The following PAK3 variants were observed in gnomAD, a reference collection of about 807,000 sequenced individuals.
The protein encoded by PAK3 is p21 (RAC1) activated kinase 3.
PAK3 carries 4 observed loss-of-function variants against 41.0 expected under a neutral mutation model. The ratio of observed to expected loss-of-function variants is 0.10; its 90% CI spans 0.05 to 0.22. The LOEUF is 0.22. PAK3 is among the 10% of genes least tolerant of loss of function. The probability of loss-of-function intolerance (pLI) is 1.00; values close to 1 mark genes in which losing one functional copy is unlikely to be tolerated. For missense variants in PAK3, 205 were observed against 409.9 expected (o/e 0.50, Z 4.32); for synonymous variants, 146 against 139.6 (o/e 1.05, Z -0.32).
At chrX:111,037,542 T>C (rs994775538) in intron 1 of PAK3, among the ~76,000 whole-genome samples, 27 of 111,523 alleles carry the variant, frequency 2.4e-4, no homozygotes, top group African/African-American at 7.2e-4. Context: ...TTCCATTTAA[T>C]TATAGAGACT....
At chrX:110,961,761 G>T (rs989577532) in intron 1 of PAK3, among the ~76,000 whole-genome samples, 2 of 111,614 alleles carry the variant, frequency 1.8e-5, no homozygotes, top group Non-Finnish European at 3.8e-5. Context: ...CACTTTTTTA[G>T]TCCCCTGGAA....
intron 1 of PAK3, among the ~76,000 whole-genome samples, chrX:110,961,765 C>T (rs933689400): frequency 1.8e-5 from 2 of 111,869 alleles, no homozygotes; most frequent in Admixed American, 9.5e-5. Flanking sequence ...TTTTTAGTCC[C>T]CTGGAATTTG....
At chrX:110,950,808 A>G (rs371830566) in intron 1 of PAK3, among the ~76,000 whole-genome samples, 53 of 111,575 alleles carry the variant, frequency 4.8e-4, no homozygotes, top group African/African-American at 1.6e-3. Flanking sequence ...ATTTTGTCAT[A>G]TAAATTTAAA....
intron 8 of PAK3, among the ~76,000 whole-genome samples, chrX:111,160,721 GT>G (rs1269881081): frequency 1.8e-5 from 2 of 111,222 alleles, no homozygotes; most frequent in East Asian, 5.6e-4. Context: ...GTGGTGTTTG[GT>G]TTTTTGTCCT....
chrX:111,123,731 G>A (rs1166641065), intron 5 of PAK3, among the ~76,000 whole-genome samples: 3 of 111,653 alleles, frequency 2.7e-5, no homozygotes, highest in Non-Finnish European at 5.6e-5. Context: ...CCACAATATT[G>A]TCTCTCTGAC....
intron 16 of PAK3, among the ~76,000 whole-genome samples, chrX:111,213,605 C>T (rs1487729150): frequency 1.8e-5 from 2 of 111,020 alleles, no homozygotes; most frequent in South Asian, 3.8e-4. Context: ...CTACAGAGAG[C>T]GGAAACGAGT....
intron 1 of PAK3, among the ~76,000 whole-genome samples, chrX:111,046,037 C>A (rs192925534): frequency 3.6e-5 from 4 of 111,710 alleles, no homozygotes; most frequent in African/African-American, 1.3e-4. Flanking sequence ...TTAACAAGAG[C>A]CACCTGGCTA....
rs752253698 is a variant in PAK3 at position 111,154,247 on chromosome X, A to G, written c.468+1800A>G. Among the ~76,000 whole-genome samples the G allele has an allele frequency of 1.8e-4, 20 of 111,733 alleles. No homozygotes were observed. In the East Asian group the frequency reaches 5.6e-3, roughly 31 times the overall value. On this transcript the variant is annotated intron_variant, in intron 8 of 17. Coordinates refer to ENST00000372007, the MANE Select transcript of PAK3 (RefSeq NM_002578.5). ...ATGATTATACAACAATATCCTCAAC[A>G]GTACTGAAATACATACCTAAAAATG...
At chrX:110,956,788 C>A (rs910263609) in intron 1 of PAK3, among the ~76,000 whole-genome samples, 2 of 111,716 alleles carry the variant, frequency 1.8e-5, no homozygotes, top group African/African-American at 6.5e-5. Context: ...GGTCAGAGAG[C>A]ACTTAGTCTC....
Position 111,026,123 on chromosome X carries a change from C to A in PAK3, c.-28+81495C>A, listed in dbSNP as rs917124228. Among the ~76,000 whole-genome samples the A allele has an allele frequency of 2.7e-5, 3 of 111,660 alleles. No homozygotes were observed. In the Admixed American group the frequency reaches 2.9e-4, roughly 11 times the overall value. ...ATCCAGCATTCCTTTATGATTAAAACCCTCAGCAAATTTGCATAGAAGGGA... is the reference window on the plus strand; with the variant it reads ...ATCCAGCATTCCTTTATGATTAAAAACCTCAGCAAATTTGCATAGAAGGGA... On this transcript the variant is annotated intron_variant, in intron 1 of 14. Coordinates refer to the PAK3 transcript ENST00000425146.
At chrX:111,087,456 A>G (rs896434009) in intron 1 of PAK3, among the ~76,000 whole-genome samples, 4 of 109,375 alleles carry the variant, frequency 3.7e-5, no homozygotes, top group African/African-American at 6.7e-5. Flanking sequence ...ATGAAGTGCA[A>G]CAGGTGCTTA....
intron 16 of PAK3, among the ~76,000 whole-genome samples, chrX:111,197,098 G>A (rs748985256): frequency 9.1e-6 from 1 of 109,931 alleles, no homozygotes; most frequent in East Asian, 2.9e-4. Flanking sequence ...TCTCAAGTAG[G>A]CCCCAGTGTC....
intron 4 of PAK3, among the ~76,000 whole-genome samples, chrX:111,112,330 T>C (rs920392852): frequency 6.3e-5 from 7 of 110,486 alleles, no homozygotes; most frequent in Non-Finnish European, 1.3e-4. Flanking sequence ...TCAACTCGAC[T>C]GTACTTCCCC....
chrX:111,193,967 G>A lies in PAK3; in HGVS notation c.993-334G>A, dbSNP rs146985666. Reference sequence around the variant, plus strand: ...TTGCTTCACATTGATATGGGTCTTAGGGCAGGGTGGGAACATTGGGTTCAT... The same window carrying A: ...TTGCTTCACATTGATATGGGTCTTAAGGCAGGGTGGGAACATTGGGTTCAT... On this transcript the variant is annotated intron_variant, in intron 13 of 17. Transcript: ENST00000372007. Among the ~76,000 whole-genome samples the A allele has an allele frequency of 6.0e-3, 662 of 111,184 alleles. 9 individuals carry two copies. Among genetic ancestry groups the A allele is most frequent in the African/African-American group, 0.02 (616 of 30,584 alleles).
At chrX:111,147,324 T>A (rs941543070) in intron 6 of PAK3, among the ~76,000 whole-genome samples, 2 of 111,668 alleles carry the variant, frequency 1.8e-5, no homozygotes, top group Non-Finnish European at 3.8e-5. Context: ...AGCTTGTTAT[T>A]CCAGTCATAA....
intron 1 of PAK3, among the ~76,000 whole-genome samples, chrX:110,951,145 C>A (rs750748447): frequency 1.8e-5 from 2 of 111,891 alleles, no homozygotes; most frequent in South Asian, 3.8e-4. Flanking sequence ...GTTCTTTCTG[C>A]TTCTGATAAC....
intron 3 of PAK3, among the ~76,000 whole-genome samples, chrX:111,099,534 G>A (rs1284584595): frequency 6.4e-5 from 7 of 109,901 alleles, no homozygotes; most frequent in Non-Finnish European, 1.3e-4. Context: ...TGATTGCTGA[G>A]ATGGAATAGG....
chrX:111,146,491 CT>C, intron 6 of PAK3: 1 of 1,037,812 alleles, frequency 9.6e-7, no homozygotes, highest in Non-Finnish European at 1.3e-6. Context: ...TTTTAACTTT[CT>C]TTTCTTTCTT....
intron 1 of PAK3, among the ~76,000 whole-genome samples, chrX:111,025,554 A>G (rs2092257132): frequency 9.0e-6 from 1 of 111,252 alleles, no homozygotes. Context: ...AAATGGATAA[A>G]TTCCTGGAAA....
Sources: allele counts gnomAD v4.1 joint callset (sites outside exome capture counted in the v4.1 genomes callset), GRCh38; gene constraint gnomAD v4.1.1; transcripts MANE v1.5; gene names NCBI Gene and HGNC (gene_info 2026-07-23, HGNC 2026-07-21).